GRID2: variants seen among roughly 807,000 people sequenced by gnomAD.
GRID2 encodes the protein glutamate receptor ionotropic, delta-2.
A neutral mutation model predicts 114.8 loss-of-function variants in GRID2; 33 were observed. The ratio of observed to expected loss-of-function variants is 0.29; its 90% confidence interval spans 0.22 to 0.38. The LOEUF is 0.38. GRID2 is among the 10% of genes least tolerant of loss of function. GRID2 has a pLI of 1.00. For synonymous variants in GRID2, 505 were observed against 449.9 expected, an observed-to-expected ratio of 1.12 and a Z score of -1.55; for missense variants, 1,184 against 1,257.7, an observed-to-expected ratio of 0.94 and a Z score of 0.89.
intron 1 of GRID2, among the ~76,000 whole-genome samples, chr4:92,459,060 T>G (rs939814153): frequency 6.6e-6 from 1 of 152,162 alleles, no homozygotes; most frequent in Non-Finnish European, 1.5e-5. Context: ...TGAAAAGTTA[T>G]CTTTGAAACA....
intron 2 of GRID2, among the ~76,000 whole-genome samples, chr4:92,930,062 G>T (rs994514379): frequency 6.6e-6 from 1 of 151,124 alleles, no homozygotes; most frequent in Non-Finnish European, 1.5e-5. Flanking sequence ...AAGAAAATAT[G>T]TATTGAAGAA....
intron 1 of GRID2, among the ~76,000 whole-genome samples, chr4:92,530,032 G>C (rs1284026668): frequency 6.8e-6 from 1 of 148,058 alleles, no homozygotes; most frequent in Non-Finnish European, 1.5e-5. Flanking sequence ...AAGTAAGAAA[G>C]AGAAGGATAA....
chr4:93,529,999 A>C (rs1030457240), intron 13 of GRID2, among the ~76,000 whole-genome samples: 3 of 152,120 alleles, frequency 2.0e-5, no homozygotes, highest in Non-Finnish European at 2.9e-5. Context: ...CCCTATCATC[A>C]GGCTGAAAAT....
At chr4:92,374,237 G>A (rs1018855183) in intron 1 of GRID2, among the ~76,000 whole-genome samples, 4 of 152,084 alleles carry the variant, frequency 2.6e-5, no homozygotes, top group Non-Finnish European at 5.9e-5. Flanking sequence ...TTAAAGCCTA[G>A]TACCTAAAGG....
intron 5 of GRID2, among the ~76,000 whole-genome samples, chr4:93,211,492 C>A (rs1233392244): frequency 4.6e-5 from 7 of 151,978 alleles, no homozygotes; most frequent in Non-Finnish European, 1.0e-4. Flanking sequence ...TCCATATAAA[C>A]AAAGCAATCT....
chr4:93,179,155 T>A (rs527925609), intron 4 of GRID2, among the ~76,000 whole-genome samples: 1 of 152,322 alleles, frequency 6.6e-6, no homozygotes, highest in South Asian at 2.1e-4. Context: ...GAGAAAAATC[T>A]TTTGTTCAAT....
Position 92,972,608 on chromosome 4 carries a change from T to C in GRID2, c.245-112387T>C, listed in dbSNP as rs146111164. Reference sequence around the variant, plus strand: ...GCTCTCTCAGGAAAATAATTTTTTTTTTTATTTTTAATTTTAAGTTCAGGG... The same window carrying C: ...GCTCTCTCAGGAAAATAATTTTTTTCTTTATTTTTAATTTTAAGTTCAGGG... On this transcript the variant is annotated intron_variant, in intron 2 of 15. Transcript: ENST00000282020. 1.3e-3 allele frequency among the ~76,000 whole-genome samples: 199 copies of C among 152,172 alleles called. 4 individuals carry two copies. In the East Asian group the frequency reaches 0.036, roughly 28 times the overall value.
At chr4:93,656,142 A>C (rs1325618911) in intron 14 of GRID2, among the ~76,000 whole-genome samples, 1 of 151,910 alleles carries the variant, frequency 6.6e-6, no homozygotes, top group Non-Finnish European at 1.5e-5. Context: ...ATAATAATAA[A>C]AATAATTGAT....
chr4:93,265,333 C>T (rs1428036957), intron 8 of GRID2, among the ~76,000 whole-genome samples: 1 of 152,146 alleles, frequency 6.6e-6, no homozygotes, highest in African/African-American at 2.4e-5. Flanking sequence ...AGGAAAGCTT[C>T]TCTCCATTTA....
chr4:93,087,888 T>C (rs1473870429), intron 3 of GRID2, among the ~76,000 whole-genome samples: 2 of 152,148 alleles, frequency 1.3e-5, no homozygotes, highest in Non-Finnish European at 2.9e-5. Flanking sequence ...TACTTGTATT[T>C]ACTTATCCAT....
intron 14 of GRID2, among the ~76,000 whole-genome samples, chr4:93,628,861 G>A (rs556464081): frequency 1.3e-5 from 2 of 151,724 alleles, no homozygotes; most frequent in South Asian, 2.1e-4. Context: ...CCCATCCCGG[G>A]TTCAAGTGAT....
chr4:93,549,106 T>TA (rs74912692), intron 13 of GRID2, among the ~76,000 whole-genome samples: 20,799 of 152,156 alleles, frequency 0.14, 2,726 homozygotes, highest in African/African-American at 0.35. Context: ...TGCAGCATTT[T>TA]AAAAAAATTT....
intron 2 of GRID2, among the ~76,000 whole-genome samples, chr4:92,783,789 G>A (rs904946830): frequency 3.3e-5 from 5 of 151,950 alleles, no homozygotes; most frequent in African/African-American, 1.2e-4. Context: ...TGGAGGCTGA[G>A]AAGGGAGGGT....
At chr4:93,448,948 C>G (rs1722424721) in intron 10 of GRID2, among the ~76,000 whole-genome samples, 1 of 136,396 alleles carries the variant, frequency 7.3e-6, no homozygotes, top group South Asian at 2.6e-4. Context: ...CTTCCCTTTC[C>G]CTTCCTTCTT....
chr4:93,107,094 G>A (rs1334185050), intron 3 of GRID2, among the ~76,000 whole-genome samples: 1 of 152,128 alleles, frequency 6.6e-6, no homozygotes, highest in Non-Finnish European at 1.5e-5. Context: ...GAGCTCAGCA[G>A]TTCAAATCAG....
intron 2 of GRID2, among the ~76,000 whole-genome samples, chr4:92,945,215 C>G (rs901968017): frequency 6.6e-5 from 10 of 152,088 alleles, no homozygotes; most frequent in African/African-American, 2.2e-4. Flanking sequence ...ATATGTGAAC[C>G]TCACTTTATT....
At chr4:92,742,906 T>C (rs1736962093) in intron 2 of GRID2, among the ~76,000 whole-genome samples, 1 of 152,214 alleles carries the variant, frequency 6.6e-6, no homozygotes. Flanking sequence ...TAGTGAGATC[T>C]TGTTTTATCT....
chr4:92,671,793 G>T (rs1015816420), intron 2 of GRID2, among the ~76,000 whole-genome samples: 2 of 152,014 alleles, frequency 1.3e-5, no homozygotes, highest in Non-Finnish European at 2.9e-5. Flanking sequence ...CTTTACCTTT[G>T]ATCTTTATAA....
intron 13 of GRID2, among the ~76,000 whole-genome samples, chr4:93,603,038 T>C (rs1739857777): frequency 6.6e-6 from 1 of 151,992 alleles, no homozygotes; most frequent in African/African-American, 2.4e-5. Context: ...GGTGAAACCC[T>C]GTCTCTACTA....
Sources: allele counts gnomAD v4.1 joint callset (sites outside exome capture counted in the v4.1 genomes callset), GRCh38; gene constraint gnomAD v4.1.1; transcripts MANE v1.5; gene names NCBI Gene and HGNC (gene_info 2026-07-23, HGNC 2026-07-21).